CSNK2A1: variants seen among roughly 807,000 people sequenced by gnomAD.
CSNK2A1 encodes casein kinase 2 alpha 1.
In CSNK2A1, 10 loss-of-function variants were observed where a neutral mutation model predicts 62.9. That is an observed-to-expected ratio of 0.16 (90% CI 0.10 to 0.27). The LOEUF (loss-of-function observed/expected upper bound fraction) is 0.27, where lower values mean the gene tolerates loss of function less well. Among genes scored for constraint, CSNK2A1 ranks in the 10% least tolerant of loss-of-function variants. CSNK2A1 has a pLI of 1.00. For missense variants in CSNK2A1, 160 were observed against 492.0 expected, an observed-to-expected ratio of 0.33 and a Z score of 6.38; for synonymous variants, 124 against 167.8, an observed-to-expected ratio of 0.74 and a Z score of 2.02.
intron 9 of CSNK2A1, among the ~76,000 whole-genome samples, chr20:490,353 GT>G (rs373775413): frequency 0.016 from 840 of 53,416 alleles, 3 homozygotes; most frequent in Non-Finnish European, 0.021. Flanking sequence ...TTTTTTTTTA[GT>G]TTTTTTTTTA....
rs1412161053 is a variant in CSNK2A1, at chr20:543,789, CT to C, written c.-345del. 1 of 398,400 alleles carries C rather than the reference CT, an allele frequency of 2.5e-6. No homozygotes were observed. Among genetic ancestry groups the C allele is most frequent in the Admixed American group, 4.4e-5 (1 of 22,722 alleles). 24.7% of individuals were successfully genotyped at this position (398,400 alleles called of 1,614,324 possible). A position where few individuals can be genotyped will look rare whatever the true frequency, so the allele number is the denominator to read the frequency against. ...GCCAGCCGCAGGGACCAGAGCGAGG[CT>C]GCAGCCGCTGCTGCCGGAAGCGGAA... On this transcript the variant is annotated 5_prime_UTR_variant, in exon 1 of 14. Coordinates refer to ENST00000217244, the MANE Select transcript of CSNK2A1 (RefSeq NM_177559.3).
chr20:516,276 T>G (rs1277358640), intron 2 of CSNK2A1, among the ~76,000 whole-genome samples: 1 of 152,240 alleles, frequency 6.6e-6, no homozygotes, highest in Admixed American at 6.5e-5. Flanking sequence ...TTCAGACCAC[T>G]ACATCTACCT....
In CSNK2A1 at chr20:529,872, T is replaced by C. The variant is rs546210432; in HGVS notation, c.-226-1823A>G. Among the ~76,000 whole-genome samples, 12 of 152,312 alleles carry C rather than the reference T, an allele frequency of 7.9e-5. No individual in the cohort carries two copies. In the East Asian group the frequency reaches 2.3e-3, roughly 29 times the overall value. On this transcript the variant is annotated intron_variant, in intron 1 of 13. Coordinates refer to ENST00000217244, the MANE Select transcript of CSNK2A1 (RefSeq NM_177559.3). Reference sequence around the variant, plus strand: ...CTGATGATAATCAGGTTTGGTATTATCTGTGGTTTCAGGCATCCACTGGGG... The same window carrying C: ...CTGATGATAATCAGGTTTGGTATTACCTGTGGTTTCAGGCATCCACTGGGG...
chr20:475,965 T>A lies in CSNK2A1; in HGVS notation c.*7996A>T, dbSNP rs1168630262. On this transcript the variant is annotated 3_prime_UTR_variant, in exon 14 of 14. Transcript: ENST00000217244. ...TCTAGATCAGCTGAACTACATACAG[T>A]TGCCTTAGAAATTTGTGAGACTAAG... The A allele has an allele frequency of 6.6e-6, 1 of 152,220 alleles. No homozygotes were observed. The highest frequency in any genetic ancestry group is 1.5e-5 in the Non-Finnish European group (1 of 68,044). 9.4% of individuals were successfully genotyped at this position (152,220 alleles called of 1,614,324 possible).
intron 1 of CSNK2A1, among the ~76,000 whole-genome samples, chr20:537,842 T>G (rs2019367260): frequency 6.6e-6 from 1 of 152,236 alleles, no homozygotes; most frequent in Non-Finnish European, 1.5e-5. Flanking sequence ...CTTAAAATAC[T>G]AAGCCCTTAC....
intron 1 of CSNK2A1, among the ~76,000 whole-genome samples, chr20:538,240 C>A (rs948714346): frequency 1.3e-5 from 2 of 152,180 alleles, no homozygotes; most frequent in African/African-American, 4.8e-5. Flanking sequence ...AGCCACCATG[C>A]CCGGCCAACA....
At chr20:514,468 T>G (rs2018788750) in intron 2 of CSNK2A1, among the ~76,000 whole-genome samples, 1 of 152,050 alleles carries the variant, frequency 6.6e-6, no homozygotes, top group Non-Finnish European at 1.5e-5. Context: ...GGTCTTGCGC[T>G]GTCACCCAGG....
chr20:515,638 CCA>C (rs1299003360), intron 2 of CSNK2A1, among the ~76,000 whole-genome samples: 2 of 152,116 alleles, frequency 1.3e-5, no homozygotes, highest in Non-Finnish European at 2.9e-5. Context: ...CACACACACA[CCA>C]GTCTTCAAAT....
intron 2 of CSNK2A1, among the ~76,000 whole-genome samples, chr20:510,869 A>T (rs562665302): frequency 1.3e-5 from 2 of 151,900 alleles, no homozygotes; most frequent in Admixed American, 6.6e-5. Context: ...GGCGTGGGCT[A>T]CCACAGCTGG....
chr20:536,446 C>A (rs1318081543), intron 1 of CSNK2A1, among the ~76,000 whole-genome samples: 3 of 152,138 alleles, frequency 2.0e-5, no homozygotes, highest in Non-Finnish European at 4.4e-5. Context: ...TCACAAAAAT[C>A]CTGAGGTAGG....
chr20:484,196 G>A (rs2018017922), intron 13 of CSNK2A1, 120 bp from the exon 14 acceptor site: 7 of 788,662 alleles, frequency 8.9e-6, no homozygotes, highest in Non-Finnish European at 1.3e-5. Flanking sequence ...CCTCTTAGCT[G>A]GATTTTTACA....
At position 472,574 on chromosome 20, in the gene CSNK2A1, C is replaced by T. The variant is rs1568480449; in HGVS notation, c.*11387G>A. 6.6e-6 allele frequency: 1 copy of T among 152,198 alleles called. No homozygotes were observed. Among genetic ancestry groups the T allele is most frequent in the African/African-American group, 2.4e-5 (1 of 41,426 alleles). 9.4% of individuals were successfully genotyped at this position (152,198 alleles called of 1,614,324 possible). On this transcript the variant is annotated 3_prime_UTR_variant, in exon 14 of 14. Coordinates refer to ENST00000217244, the MANE Select transcript of CSNK2A1 (RefSeq NM_177559.3). Reference sequence around the variant, plus strand: ...TTAGCAGTCCCCTTAAGCTGGTGGCCCTCACATTTATTTAGCACAAATTTA... The same window carrying T: ...TTAGCAGTCCCCTTAAGCTGGTGGCTCTCACATTTATTTAGCACAAATTTA...
In CSNK2A1 at chr20:483,291, A is replaced by C. The variant is rs550840242; in HGVS notation, c.*670T>G. ...TTTAGGGTTAGATCAGTAAGACATGATTCTTACTGAACAGAAGTTTTTAGT... is the reference window on the plus strand; with the variant it reads ...TTTAGGGTTAGATCAGTAAGACATGCTTCTTACTGAACAGAAGTTTTTAGT... On this transcript the variant is annotated 3_prime_UTR_variant, in exon 14 of 14. Transcript: ENST00000217244. 1 of 152,210 alleles carries C rather than the reference A, an allele frequency of 6.6e-6. No homozygotes were observed. Among genetic ancestry groups the C allele is most frequent in the African/African-American group, 2.4e-5 (1 of 41,450 alleles). The allele number at this position is 152,210 out of a possible 1,614,324, so 9.4% of individuals were successfully genotyped here.
At chr20:495,182 G>C (rs1390337665) in intron 8 of CSNK2A1, 1 of 153,302 alleles carries the variant, frequency 6.5e-6, no homozygotes, top group African/African-American at 2.4e-5. Context: ...GACCACAACA[G>C]GCAAGTCATC....
At position 483,915 on chromosome 20, in the gene CSNK2A1, T is replaced by C; in HGVS notation, c.*46A>G. ...GGCGCAAGCTGCATCAAGGAGAGGG[T>C]GGACTCCCCCACCTCTGCTCAGGCA... On this transcript the variant is annotated 3_prime_UTR_variant, in exon 14 of 14. Coordinates refer to ENST00000217244, the MANE Select transcript of CSNK2A1 (RefSeq NM_177559.3). The C allele has an allele frequency of 1.9e-6, 3 of 1,568,574 alleles. No homozygotes were observed. Among genetic ancestry groups the C allele is most frequent in the Non-Finnish European group, 2.6e-6 (3 of 1,158,644 alleles).
intron 2 of CSNK2A1, among the ~76,000 whole-genome samples, chr20:511,068 C>T (rs2018709106): frequency 6.6e-6 from 1 of 152,002 alleles, no homozygotes; most frequent in Admixed American, 6.6e-5. Flanking sequence ...ATAACATAAA[C>T]TTTATGGCCA....
chr20:485,429 C>T lies in CSNK2A1; in HGVS notation c.1060+947G>A, dbSNP rs113550784. 4.8e-3 allele frequency among the ~76,000 whole-genome samples: 735 copies of T among 152,146 alleles called. 10 individuals carry two copies. The highest frequency in any genetic ancestry group is 0.017 in the African/African-American group (710 of 41,514). ...AACTCCTGACCTCAAGTGACCCACC[C>T]GCCTCAGCCTCCCAAAGTGCTGGGA... On this transcript the variant is annotated intron_variant, in intron 13 of 13. Coordinates refer to ENST00000217244, the MANE Select transcript of CSNK2A1 (RefSeq NM_177559.3).
intron 4 of CSNK2A1, 70 bp from the exon 5 acceptor site, chr20:500,004 G>A (rs952534838): frequency 4.5e-5 from 55 of 1,221,874 alleles, no homozygotes; most frequent in African/African-American, 2.9e-4. Context: ...AACACGTAGT[G>A]TAATACATAA....
chr20:491,330 A>C (rs935618585), intron 9 of CSNK2A1, among the ~76,000 whole-genome samples: 18 of 152,298 alleles, frequency 1.2e-4, no homozygotes, highest in African/African-American at 4.1e-4. Context: ...TACAATTCAG[A>C]AGAACAAGAA....
Sources: gnomAD v4.1 joint callset for allele counts (sites outside exome capture counted in the v4.1 genomes callset) on GRCh38, gnomAD v4.1.1 for gene constraint, MANE v1.5 for transcripts, NCBI Gene and HGNC (gene_info 2026-07-23, HGNC 2026-07-21) for gene names.